Variants in TTC21B observed in about 807,000 individuals in gnomAD.
TTC21B encodes tetratricopeptide repeat protein 21B.
In TTC21B, 127 loss-of-function variants were observed where a neutral mutation model predicts 175.1. The observed-to-expected ratio is 0.73, with a 90% CI of 0.63 to 0.84. TTC21B has a LOEUF of 0.84. TTC21B is among the 40% of genes least tolerant of loss of function. The pLI is 0.00. For missense variants in TTC21B, 1,561 were observed against 1,558.3 expected (o/e 1.00, Z -0.03); for synonymous variants, 524 against 524.5 (o/e 1.00, Z 0.01).
intron 18 of TTC21B, among the ~76,000 whole-genome samples, chr2:165,909,061 T>C (rs1255987881): frequency 6.6e-6 from 1 of 152,080 alleles, no homozygotes; most frequent in Non-Finnish European, 1.5e-5. Flanking sequence ...ACACTAAACA[T>C]GTTGTTGGCA....
intron 17 of TTC21B, 72 bp from the exon 18 acceptor site, chr2:165,911,537 T>G: frequency 6.4e-7 from 1 of 1,562,946 alleles, no homozygotes; most frequent in Non-Finnish European, 8.8e-7. Flanking sequence ...ATTTAATACA[T>G]TACAGACTTA....
intron 6 of TTC21B, among the ~76,000 whole-genome samples, chr2:165,935,986 C>CA (rs1289327083): frequency 3.3e-5 from 5 of 151,752 alleles, no homozygotes; most frequent in Middle Eastern, 3.2e-3. Flanking sequence ...TACAGATTAG[C>CA]AAAAAAACAC....
Position 165,945,572 on chromosome 2 carries a change from TGCTTTATCATG to T in TTC21B, c.370_380del (p.His124LysfsTer5), listed in dbSNP as rs1237271536. The T allele has an allele frequency of 1.9e-5, 30 of 1,613,834 alleles. No homozygotes were observed. The highest frequency in any genetic ancestry group is 2.5e-5 in the Non-Finnish European group (29 of 1,179,944). On this transcript the variant is annotated frameshift_variant, in exon 4 of 29. Transcript: ENST00000243344. LOFTEE classifies it high-confidence loss of function. ...TGATCATTCTGTCAATATATTCCCT[TGCTTTATCATG>T]GCGACCAATGTGCCATAAAAATAAG...
intron 20 of TTC21B, 27 bp downstream of exon 20, chr2:165,901,695 T>G (rs759154221): frequency 1.3e-6 from 2 of 1,591,404 alleles, no homozygotes; most frequent in Non-Finnish European, 1.7e-6. Context: ...GAATAAAAGG[T>G]ATTTAAAATT....
chr2:165,889,292 C>T (rs1455102836), intron 24 of TTC21B, among the ~76,000 whole-genome samples: 1 of 152,160 alleles, frequency 6.6e-6, no homozygotes, highest in African/African-American at 2.4e-5. Context: ...TGTAACACTA[C>T]ACAGCTTTAG....
At chr2:165,888,196 A>G in intron 25 of TTC21B, 83 bp downstream of exon 25, 1 of 1,155,910 alleles carries the variant, frequency 8.7e-7, no homozygotes, top group Non-Finnish European at 1.3e-6. Flanking sequence ...CAATCTTCAG[A>G]AAATAAACAA....
At chr2:165,902,861 C>A (rs1016230765) in intron 19 of TTC21B, among the ~76,000 whole-genome samples, 2 of 152,196 alleles carry the variant, frequency 1.3e-5, no homozygotes, top group African/African-American at 2.4e-5. Flanking sequence ...TACCTCTACA[C>A]ATCAAGATGT....
chr2:165,907,440 A>G (rs1685776618), intron 19 of TTC21B, among the ~76,000 whole-genome samples: 1 of 152,232 alleles, frequency 6.6e-6, no homozygotes, highest in African/African-American at 2.4e-5. Flanking sequence ...ACACAAGTTA[A>G]TCAAGTCTCC....
chr2:165,879,425 T>G (rs571679023), intron 27 of TTC21B, among the ~76,000 whole-genome samples: 1 of 152,330 alleles, frequency 6.6e-6, no homozygotes, highest in East Asian at 1.9e-4. Flanking sequence ...AAGTCTAGTA[T>G]AGTATGAGAA....
intron 14 of TTC21B, among the ~76,000 whole-genome samples, chr2:165,915,662 A>G (rs758486304): frequency 2.0e-5 from 3 of 152,198 alleles, no homozygotes; most frequent in Non-Finnish European, 2.9e-5. Context: ...TGTTTTCACA[A>G]CTAGGACAAC....
intron 6 of TTC21B, chr2:165,934,746 A>AC (rs1687064052): frequency 1.3e-5 from 2 of 151,752 alleles, no homozygotes; most frequent in Admixed American, 6.6e-5. Flanking sequence ...TGCTTGAAAA[A>AC]AAAAATACAC....
At chr2:165,892,868 T>C (rs1685241870) in intron 22 of TTC21B, among the ~76,000 whole-genome samples, 1 of 152,204 alleles carries the variant, frequency 6.6e-6, no homozygotes, top group Admixed American at 6.5e-5. Flanking sequence ...ATGATGAATT[T>C]TGTGTTATAT....
intron 3 of TTC21B, chr2:165,947,872 G>C (rs1687637991): frequency 6.6e-6 from 1 of 152,204 alleles, no homozygotes; most frequent in African/African-American, 2.4e-5. Context: ...CAGTATTTCT[G>C]ATTCTGTCAT....
intron 14 of TTC21B, among the ~76,000 whole-genome samples, chr2:165,916,603 C>T (rs895127506): frequency 1.3e-5 from 2 of 152,026 alleles, no homozygotes; most frequent in African/African-American, 4.8e-5. Flanking sequence ...CTGGAGTGTG[C>T]ATAAATGTGT....
At position 165,892,092 on chromosome 2, in the gene TTC21B, G is replaced by C. The variant is rs1277750506; in HGVS notation, c.2951-1104C>G. On this transcript the variant is annotated intron_variant, in intron 22 of 28. Transcript: ENST00000243344. ...ACGTGATTTTTAATGGTTGCATAAGGGCCTACTTACTGATGATTCACATTA... is the reference window on the plus strand; with the variant it reads ...ACGTGATTTTTAATGGTTGCATAAGCGCCTACTTACTGATGATTCACATTA... 2.6e-5 allele frequency among the ~76,000 whole-genome samples: 4 copies of C among 151,870 alleles called. No homozygotes were observed. The East Asian group carries it at 7.7e-4, about 29-fold the overall frequency.
rs746088517 is a variant in TTC21B at position 165,912,579 on chromosome 2, G to C, written c.2257C>G (p.Pro753Ala). ...TTGCTTGCCAATGTTCCATCTTTCGGGTTCTGATTTAATGCTTGCTCATAT... is the reference window on the plus strand; with the variant it reads ...TTGCTTGCCAATGTTCCATCTTTCGCGTTCTGATTTAATGCTTGCTCATAT... ...VAYEQALNQN[P>A]KDGTLASKMG... The change falls in exon 17 of 29, where the codon CCG becomes GCG. Residue 753 changes from proline to alanine, a missense_variant. Pro to Ala is a conservative substitution (Grantham distance 27). Coordinates refer to ENST00000243344, the MANE Select transcript of TTC21B (RefSeq NM_024753.5). 2 of 1,613,920 alleles carry C rather than the reference G, an allele frequency of 1.2e-6. No homozygotes were observed. The highest frequency in any genetic ancestry group is 1.7e-6 in the Non-Finnish European group (2 of 1,179,996).
chr2:165,929,769 ACAGT>A (rs1363429776), intron 9 of TTC21B, 22 bp from the exon 10 acceptor site: 19 of 1,540,950 alleles, frequency 1.2e-5, no homozygotes, highest in East Asian at 2.3e-5. Flanking sequence ...CAGCAGAAAG[ACAGT>A]CAAAGTCCAC....
At chr2:165,882,769 T>G (rs899675411) in intron 26 of TTC21B, among the ~76,000 whole-genome samples, 2 of 152,220 alleles carry the variant, frequency 1.3e-5, no homozygotes, top group African/African-American at 4.8e-5. Flanking sequence ...ATGCAATGTA[T>G]TGTTATCAGC....
intron 5 of TTC21B, among the ~76,000 whole-genome samples, chr2:165,941,471 T>C (rs1463460872): frequency 1.1e-5 from 1 of 88,930 alleles, no homozygotes; most frequent in Admixed American, 1.4e-4. Flanking sequence ...AATGTTTCCA[T>C]TTAAAACAAA....
Sources: allele counts gnomAD v4.1 joint callset (sites outside exome capture counted in the v4.1 genomes callset), GRCh38; gene constraint gnomAD v4.1.1; transcripts MANE v1.5; gene names NCBI Gene and HGNC (gene_info 2026-07-23, HGNC 2026-07-21).